The following STARD8 variants were observed in gnomAD, a reference collection of about 807,000 sequenced individuals.
STARD8 encodes stAR-related lipid transfer protein 8.
A neutral mutation model predicts 69.4 loss-of-function variants in STARD8; 25 were observed. That is an observed-to-expected ratio of 0.36 (90% CI 0.26 to 0.50). The LOEUF is 0.50. Ranked by LOEUF, STARD8 falls within the 20% of genes least tolerant of loss-of-function variation. The pLI, the probability that STARD8 is intolerant of heterozygous loss-of-function variation, is 0.96. For synonymous variants in STARD8, 389 were observed against 374.6 expected, an observed-to-expected ratio of 1.04 and a Z score of -0.45; for missense variants, 921 against 932.5, an observed-to-expected ratio of 0.99 and a Z score of 0.16.
At chrX:68,697,564 A>C (rs2079930342) in intron 2 of STARD8, among the ~76,000 whole-genome samples, 1 of 112,514 alleles carries the variant, frequency 8.9e-6, no homozygotes, top group Non-Finnish European at 1.9e-5. Context: ...CTCTCCACCT[A>C]GGCCCCTCCC....
At position 68,647,798 on chromosome X, in the gene STARD8, G is replaced by A. The variant is rs899518747; in HGVS notation, c.-85G>A. ...CCGGGCTGGCTCTCGCCGAGCCCCG[G>A]GCCTCTTTTAGCCTCGTCCCCAGAG... On this transcript the variant is annotated 5_prime_UTR_variant, in exon 1 of 15. Coordinates refer to ENST00000374599, the MANE Select transcript of STARD8 (RefSeq NM_001142503.3). 7 of 1,115,866 alleles carry A rather than the reference G, an allele frequency of 6.3e-6. No individual in the cohort carries two copies. The highest frequency in any genetic ancestry group is 8.4e-6 in the Non-Finnish European group (7 of 830,711). 92.0% of individuals were successfully genotyped at this position (1,115,866 alleles called of 1,213,427 possible).
In STARD8 at chrX:68,718,116, G is replaced by A. The variant is rs760151959; in HGVS notation, c.1202G>A (p.Arg401Gln). ...CAGCACGTGTGGGGGCTACAGCAAC[G>A]AGTAGAGCTGTGGTCTCGGGCCATG... ...ILQHVWGLQQ[R>Q]VELWSRAMYP... The change falls in exon 6 of 15, where the codon CGA becomes CAA. Residue 401 changes from arginine (R) to glutamine (Q), a missense_variant. Arg to Gln is a conservative substitution (Grantham distance 43, BLOSUM62 1). Coordinates refer to ENST00000374599, the MANE Select transcript of STARD8 (RefSeq NM_001142503.3). 3.3e-6 allele frequency: 4 copies of A among 1,210,147 alleles called. No individual in the cohort carries two copies. In the African/African-American group the frequency reaches 5.2e-5, roughly 16 times the overall value.
In STARD8 at chrX:68,721,766, G is replaced by A. The variant is rs2080151757; in HGVS notation, c.2459+20G>A. The stretch of plus-strand genomic sequence containing the variant: ...TCCCAGGTGAAATGGTGCACGGCAT[G>A]TCAGGGCCGGGCTGGGTCCAGACAA... On this transcript the variant is annotated intron_variant, in intron 10 of 14. Coordinates refer to ENST00000374599, the MANE Select transcript of STARD8 (RefSeq NM_001142503.3). 5.9e-6 allele frequency: 7 copies of A among 1,192,176 alleles called. No individual in the cohort carries two copies. The highest frequency in any genetic ancestry group is 7.9e-6 in the Non-Finnish European group (7 of 882,340).
rs1345180955 is a variant in STARD8 at position 68,668,106 on chromosome X, T to TTTCTTTCTTTCTTTC, written c.79+2582_79+2583insTTCTTTCTTCTTTCT. On this transcript the variant is annotated intron_variant, in intron 2 of 14. Transcript: ENST00000374599. ...CTTTCTTTCTTTCTTTCTTTCTTTC[T>TTTCTTTCTTTCTTTC]TTCTTTCTGTCTTTCTTTCTTTCTT... is the stretch of plus-strand genomic sequence containing the variant. Among the ~76,000 whole-genome samples, 57 of 102,523 alleles carry TTTCTTTCTTTCTTTC rather than the reference T, an allele frequency of 5.6e-4. 1 individual carries two copies. The highest frequency in any genetic ancestry group is 2.0e-3 in the African/African-American group (55 of 27,158). The allele number at this position is 102,523 out of a possible 115,157, so 89.0% of individuals were successfully genotyped here. A position where few individuals can be genotyped will look rare whatever the true frequency, so the allele number is the denominator to read the frequency against.
intron 2 of STARD8, among the ~76,000 whole-genome samples, chrX:68,688,301 G>C (rs2079848477): frequency 9.0e-6 from 1 of 111,299 alleles, no homozygotes; most frequent in African/African-American, 3.3e-5. Flanking sequence ...AGGAGACAGG[G>C]GGGTGGTTGG....
At chrX:68,662,964 T>C (rs1014968480) in intron 1 of STARD8, among the ~76,000 whole-genome samples, 2 of 111,766 alleles carry the variant, frequency 1.8e-5, no homozygotes, top group East Asian at 5.6e-4. Flanking sequence ...TCTGAGGAGG[T>C]ACCTAATGAA....
intron 2 of STARD8, among the ~76,000 whole-genome samples, chrX:68,696,839 G>C (rs2079923600): frequency 8.9e-6 from 1 of 111,974 alleles, no homozygotes; most frequent in Admixed American, 9.4e-5. Context: ...GTACCATCTA[G>C]TTTGGGGGTT....
rs1360199409 is a variant in STARD8 at position 68,720,428 on chromosome X, G to A, written c.2049+5G>A. ...CGCAGCCAGTGCCTGGACCAAGTGAGCCCTCGTGGGGCAGCCTGCCGGGAG... is the reference window on the plus strand; with the variant it reads ...CGCAGCCAGTGCCTGGACCAAGTGAACCCTCGTGGGGCAGCCTGCCGGGAG... On this transcript the variant is annotated splice_donor_5th_base_variant and intron_variant, in intron 8 of 14. Coordinates refer to ENST00000374599, the MANE Select transcript of STARD8 (RefSeq NM_001142503.3). The A allele has an allele frequency of 2.6e-6, 3 of 1,164,474 alleles. No homozygotes were observed. In the African/African-American group the frequency reaches 5.3e-5, roughly 21 times the overall value.
chrX:68,720,780 C>T lies in STARD8; in HGVS notation c.2050-144C>T, dbSNP rs111553314. 8.4e-3 allele frequency: 4,391 copies of T among 519,962 alleles called. 180 individuals carry two copies. The African/African-American group carries it at 0.094, about 11-fold the overall frequency. 42.9% of individuals were successfully genotyped at this position (519,962 alleles called of 1,213,427 possible). On this transcript the variant is annotated intron_variant, in intron 8 of 14. Transcript: ENST00000374599. ...TCTCTTTGGTTTTCCCATTTGTCTCCTACCCTGCCCCTCAGGAGGCCTGAT... is the reference window on the plus strand; with the variant it reads ...TCTCTTTGGTTTTCCCATTTGTCTCTTACCCTGCCCCTCAGGAGGCCTGAT...
intron 2 of STARD8, among the ~76,000 whole-genome samples, chrX:68,668,270 CTTTCTCTTTCTT>C (rs1193139500): frequency 7.8e-5 from 6 of 77,106 alleles, no homozygotes; most frequent in African/African-American, 2.3e-4. Flanking sequence ...TTCTTTCTTT[CTTTCTCTTTCTT>C]TCTTTCTTTC....
In STARD8 at chrX:68,654,838, C is replaced by T. The variant is rs777756162; in HGVS notation, c.45+6911C>T. Among the ~76,000 whole-genome samples the T allele has an allele frequency of 1.3e-3, 143 of 112,178 alleles. 1 individual carries two copies. Among genetic ancestry groups the T allele is most frequent in the Non-Finnish European group, 2.0e-3 (104 of 53,192 alleles). On this transcript the variant is annotated intron_variant, in intron 1 of 14. Transcript: ENST00000374599. Reference sequence around the variant, plus strand: ...GCCCCCAGGCCAGCTCTCAGCTTCCCAATCTGCCTAGGAGCAGCCTGGCAG... The same window carrying T: ...GCCCCCAGGCCAGCTCTCAGCTTCCTAATCTGCCTAGGAGCAGCCTGGCAG...
At chrX:68,668,194 C>T (rs1337938606) in intron 2 of STARD8, among the ~76,000 whole-genome samples, 2 of 100,020 alleles carry the variant, frequency 2.0e-5, no homozygotes, top group African/African-American at 7.4e-5. Flanking sequence ...ACCTACCCTT[C>T]CTTCCTTCCT....
intron 2 of STARD8, among the ~76,000 whole-genome samples, chrX:68,684,027 G>A (rs2079815883): frequency 8.9e-6 from 1 of 112,456 alleles, no homozygotes; most frequent in Non-Finnish European, 1.9e-5. Flanking sequence ...AGAGCATTGT[G>A]GTAAGAATTA....
intron 2 of STARD8, among the ~76,000 whole-genome samples, chrX:68,701,993 A>C (rs1451670910): frequency 9.0e-6 from 1 of 111,222 alleles, no homozygotes; most frequent in Non-Finnish European, 1.9e-5. Flanking sequence ...TGGGGGCTGC[A>C]AGCTTCCTTC....
intron 6 of STARD8, among the ~76,000 whole-genome samples, 173 bp downstream of exon 6, chrX:68,718,802 C>A: frequency 8.9e-6 from 1 of 111,816 alleles, no homozygotes; most frequent in Non-Finnish European, 1.9e-5. Flanking sequence ...AAGTTAGGTC[C>A]AGAACCTGCC....
chrX:68,684,576 C>A, intron 2 of STARD8, among the ~76,000 whole-genome samples: 1 of 112,480 alleles, frequency 8.9e-6, no homozygotes, highest in Non-Finnish European at 1.9e-5. Flanking sequence ...GAGGGGGCTG[C>A]CCCTGTGAGA....
chrX:68,708,805 A>G (rs2080028087), intron 2 of STARD8, among the ~76,000 whole-genome samples: 1 of 112,390 alleles, frequency 8.9e-6, no homozygotes, highest in South Asian at 3.7e-4. Context: ...GAATCTGCAT[A>G]TCTGGATACA....
At chrX:68,664,974 C>T (rs1246060656) in intron 1 of STARD8, among the ~76,000 whole-genome samples, 11 of 112,188 alleles carry the variant, frequency 9.8e-5, no homozygotes, top group African/African-American at 3.6e-4. Context: ...CTTATGAATG[C>T]AGATGCTGAG....
chrX:68,651,383 C>T (rs1342907724), intron 1 of STARD8, among the ~76,000 whole-genome samples: 2 of 112,721 alleles, frequency 1.8e-5, no homozygotes, highest in African/African-American at 6.4e-5. Context: ...ACTTGGACTG[C>T]GTGCTCCCTT....
Sources: gnomAD v4.1 joint callset for allele counts (sites outside exome capture counted in the v4.1 genomes callset) on GRCh38, gnomAD v4.1.1 for gene constraint, MANE v1.5 for transcripts, NCBI Gene and HGNC (gene_info 2026-07-23, HGNC 2026-07-21) for gene names.